The following ASIC2 variants were observed in gnomAD, a reference collection of about 807,000 sequenced individuals.
The protein encoded by ASIC2 is acid sensing ion channel subunit 2, also known as acid-sensing ion channel 2.
Under a neutral mutation model 57.3 loss-of-function variants are expected in ASIC2, and 25 were observed. That is an observed-to-expected ratio of 0.44 (90% CI 0.32 to 0.61). The LOEUF is 0.61. Among genes scored for constraint, ASIC2 ranks in the 20% least tolerant of loss-of-function variants. ASIC2 has a pLI of 0.06. For missense variants in ASIC2, 641 were observed against 738.1 expected (o/e 0.87, Z 1.52); for synonymous variants, 319 against 307.5 (o/e 1.04, Z -0.39).
At chr17:33,734,285 C>T (rs1304626914) in intron 1 of ASIC2, among the ~76,000 whole-genome samples, 1 of 151,298 alleles carries the variant, frequency 6.6e-6, no homozygotes, top group East Asian at 1.9e-4. Flanking sequence ...TCCCTTGCAT[C>T]CGTGAGAGGC....
chr17:33,398,569 T>C (rs998636981), intron 1 of ASIC2, among the ~76,000 whole-genome samples: 26 of 152,046 alleles, frequency 1.7e-4, no homozygotes, highest in African/African-American at 6.3e-4. Flanking sequence ...ATGGCAGTGA[T>C]GATAGTGATG....
intron 1 of ASIC2, among the ~76,000 whole-genome samples, chr17:33,371,549 C>T (rs1211180444): frequency 6.6e-6 from 1 of 152,212 alleles, no homozygotes; most frequent in African/African-American, 2.4e-5. Flanking sequence ...CATCTTGACT[C>T]TGCCACTGAC....
intron 1 of ASIC2, among the ~76,000 whole-genome samples, chr17:34,077,275 T>C (rs573626030): frequency 1.3e-5 from 2 of 152,286 alleles, no homozygotes; most frequent in East Asian, 3.9e-4. Context: ...TGCAGCCACA[T>C]GCTCTGGTCT....
chr17:33,631,683 G>A (rs1387842174), intron 1 of ASIC2, among the ~76,000 whole-genome samples: 1 of 152,130 alleles, frequency 6.6e-6, no homozygotes, highest in Non-Finnish European at 1.5e-5. Context: ...GCATCCATAG[G>A]TGGAAGGAAA....
chr17:33,416,577 T>A (rs1245441672), intron 1 of ASIC2, among the ~76,000 whole-genome samples: 7 of 152,194 alleles, frequency 4.6e-5, no homozygotes, highest in Non-Finnish European at 5.9e-5. Flanking sequence ...GGTGCTTGTC[T>A]GTGCACCCAC....
chr17:33,925,130 G>A (rs897068120), intron 1 of ASIC2, among the ~76,000 whole-genome samples: 3 of 152,250 alleles, frequency 2.0e-5, no homozygotes, highest in Non-Finnish European at 2.9e-5. Context: ...CATGGGCAGA[G>A]AAAGGGTTGA....
intron 1 of ASIC2, among the ~76,000 whole-genome samples, chr17:33,169,564 C>T (rs1013044498): frequency 2.0e-5 from 3 of 152,176 alleles, no homozygotes; most frequent in African/African-American, 4.8e-5. Flanking sequence ...AATAAAACAG[C>T]TAGTAAACAA....
At chr17:33,904,360 G>T (rs1322774681) in intron 1 of ASIC2, among the ~76,000 whole-genome samples, 1 of 152,008 alleles carries the variant, frequency 6.6e-6, no homozygotes, top group Non-Finnish European at 1.5e-5. Context: ...CATGGTTTGT[G>T]TACACATTAA....
At chr17:33,528,424 A>G (rs565444239) in intron 1 of ASIC2, among the ~76,000 whole-genome samples, 65 of 152,208 alleles carry the variant, frequency 4.3e-4, no homozygotes, top group Admixed American at 1.2e-3. Context: ...TAAGCAATTC[A>G]TTTTCTACAC....
At chr17:33,513,041 A>G (rs1567635720) in intron 1 of ASIC2, among the ~76,000 whole-genome samples, 1 of 152,186 alleles carries the variant, frequency 6.6e-6, no homozygotes, top group Non-Finnish European at 1.5e-5. Context: ...AAATAGTTTT[A>G]TTGATCATTC....
At chr17:33,107,687 T>C (rs1321687386) in intron 2 of ASIC2, among the ~76,000 whole-genome samples, 1 of 152,238 alleles carries the variant, frequency 6.6e-6, no homozygotes, top group Non-Finnish European at 1.5e-5. Context: ...CATGAGCCCA[T>C]AGGGCTGGGT....
chr17:33,659,550 A>C (rs569554842), intron 1 of ASIC2, among the ~76,000 whole-genome samples: 1 of 152,302 alleles, frequency 6.6e-6, no homozygotes, highest in African/African-American at 2.4e-5. Flanking sequence ...GAAAAGATAC[A>C]GTAAAGATAT....
At chr17:34,002,396 G>C (rs1015848647) in intron 1 of ASIC2, 1 of 152,204 alleles carries the variant, frequency 6.6e-6, no homozygotes, top group African/African-American at 2.4e-5. Context: ...TGTAGCATCA[G>C]TTGGATCCAG....
intron 1 of ASIC2, among the ~76,000 whole-genome samples, chr17:33,846,113 G>C (rs1913588873): frequency 6.6e-6 from 1 of 152,166 alleles, no homozygotes. Flanking sequence ...AATGAACAAG[G>C]GGAAAGTAGA....
At chr17:33,552,706 G>C (rs1915788929) in intron 1 of ASIC2, among the ~76,000 whole-genome samples, 1 of 152,200 alleles carries the variant, frequency 6.6e-6, no homozygotes, top group Non-Finnish European at 1.5e-5. Flanking sequence ...CTCAGCCAAA[G>C]ATCAACCAGT....
chr17:33,034,026 G>A, intron 3 of ASIC2, among the ~76,000 whole-genome samples: 1 of 152,094 alleles, frequency 6.6e-6, no homozygotes, highest in East Asian at 1.9e-4. Flanking sequence ...TCTCCACTGA[G>A]AGCTGCAGAG....
intron 1 of ASIC2, among the ~76,000 whole-genome samples, chr17:33,653,237 G>A (rs774307776): frequency 1.7e-4 from 26 of 152,136 alleles, no homozygotes; most frequent in Non-Finnish European, 3.5e-4. Context: ...TTGGCAAAGG[G>A]GCTGCCTTTA....
chr17:33,201,747 AG>A (rs1906869826), intron 1 of ASIC2, among the ~76,000 whole-genome samples: 1 of 152,150 alleles, frequency 6.6e-6, no homozygotes, highest in Non-Finnish European at 1.5e-5. Flanking sequence ...GCTGCTGTCT[AG>A]GCTGGGCATG....
At chr17:33,324,796 G>T (rs1175557513) in intron 1 of ASIC2, among the ~76,000 whole-genome samples, 1 of 152,076 alleles carries the variant, frequency 6.6e-6, no homozygotes, top group Non-Finnish European at 1.5e-5. Flanking sequence ...AAAAAACCAT[G>T]GGAAAGGAGA....
Sources: allele counts gnomAD v4.1 joint callset (sites outside exome capture counted in the v4.1 genomes callset), GRCh38; gene constraint gnomAD v4.1.1; transcripts MANE v1.5; gene names NCBI Gene and HGNC (gene_info 2026-07-23, HGNC 2026-07-21).